The following CWF19L1 variants were observed in gnomAD, a reference collection of about 807,000 sequenced individuals.
CWF19L1 encodes CWF19-like protein 1.
Under a neutral mutation model 69.7 loss-of-function variants are expected in CWF19L1, and 60 were observed. That is an observed-to-expected ratio of 0.86 (90% CI 0.70 to 1.07). The LOEUF is 1.07. CWF19L1 is among the 50% of genes least tolerant of loss of function. The probability of loss-of-function intolerance (pLI) is 0.00; values close to 1 mark genes in which losing one functional copy is unlikely to be tolerated. For synonymous variants in CWF19L1, 209 were observed against 222.2 expected (o/e 0.94, Z 0.53); for missense variants, 591 against 638.9 (o/e 0.92, Z 0.81).
chr10:100,235,696 A>C lies in CWF19L1; in HGVS notation c.1443T>G (p.Ile481Met). Reference sequence around the variant, plus strand: ...CAAACTGCAAAGGAAAATTCTTTTTAATTCTGTGGAAAAGCTTTTCTCCTG... The same window carrying C: ...CAAACTGCAAAGGAAAATTCTTTTTCATTCTGTGGAAAAGCTTTTCTCCTG... ...LDTGEKLFHR[I>M]KKNFPLQFGR... Residue 481 changes from isoleucine to methionine, a missense_variant, in exon 13 of 14, where the codon ATT becomes ATG. Ile to Met is a conservative substitution (Grantham distance 10). Around this residue, in one of 3 missense-constraint regions of CWF19L1, gnomAD observed 458 missense variants for 489.3 expected, o/e 0.94. Transcript: ENST00000354105. 1.9e-6 allele frequency: 3 copies of C among 1,612,262 alleles called. No individual in the cohort carries two copies. Among genetic ancestry groups the C allele is most frequent in the Non-Finnish European group, 2.5e-6 (3 of 1,179,770 alleles).
At chr10:100,267,310 C>G (rs1847632638) in intron 1 of CWF19L1, 1 of 425,782 alleles carries the variant, frequency 2.3e-6, no homozygotes, top group African/African-American at 2.1e-5. Flanking sequence ...GGACTGCCCC[C>G]TAAGATGGAG....
At chr10:100,243,907 G>T in intron 9 of CWF19L1, 130 bp from the exon 10 acceptor site, 1 of 714,892 alleles carries the variant, frequency 1.4e-6, no homozygotes, top group Non-Finnish European at 2.5e-6. Context: ...ACAATGGGCT[G>T]AGCCTGTGCT....
rs1273683079 is a variant in CWF19L1 at position 100,262,077 on chromosome 10, G to A, written c.24-14C>T. On this transcript the variant is annotated splice_polypyrimidine_tract_variant and intron_variant, in intron 1 of 13. Transcript: ENST00000354105. ...CCACAAGCCAAGCTGCAAACAAAGAGATAAACATTATAGCAATTCAGGAAA... is the reference window on the plus strand; with the variant it reads ...CCACAAGCCAAGCTGCAAACAAAGAAATAAACATTATAGCAATTCAGGAAA... 1 of 1,606,168 alleles carries A rather than the reference G, an allele frequency of 6.2e-7. No individual in the cohort carries two copies. The highest frequency in any genetic ancestry group is 8.5e-7 in the Non-Finnish European group (1 of 1,177,990).
At chr10:100,256,231 T>C (rs371575722) in intron 5 of CWF19L1, 31 bp downstream of exon 5, 1 of 1,572,358 alleles carries the variant, frequency 6.4e-7, no homozygotes, top group Non-Finnish European at 8.7e-7. Flanking sequence ...AATTTGCTTT[T>C]AGAAATTCCA....
chr10:100,239,532 G>C (rs1167078030), intron 10 of CWF19L1, among the ~76,000 whole-genome samples: 1 of 152,180 alleles, frequency 6.6e-6, no homozygotes. Flanking sequence ...CCAGCTACTT[G>C]GGAGACTGAA....
At chr10:100,238,378 T>A (rs1846522442) in intron 10 of CWF19L1, 147 bp from the exon 11 acceptor site, 2 of 681,784 alleles carry the variant, frequency 2.9e-6, no homozygotes, top group African/African-American at 1.8e-5. Context: ...AAAATCTGAT[T>A]TTAGAGATTG....
chr10:100,240,572 G>A lies in CWF19L1; in HGVS notation c.1045-2341C>T, dbSNP rs1332585293. On this transcript the variant is annotated intron_variant, in intron 10 of 13. Transcript: ENST00000354105. ...TCAGGCCTAGATGAGAAGAAAACAGGTTTCCTTGATTGTTGCCCAGGCCCA... is the reference window on the plus strand; with the variant it reads ...TCAGGCCTAGATGAGAAGAAAACAGATTTCCTTGATTGTTGCCCAGGCCCA... 6.6e-5 allele frequency among the ~76,000 whole-genome samples: 10 copies of A among 152,082 alleles called. 1 individual carries two copies. The East Asian group carries it at 1.9e-3, about 29-fold the overall frequency.
chr10:100,246,924 C>T lies in CWF19L1; in HGVS notation c.720G>A (p.Ala240=), dbSNP rs17112787. The change falls in exon 8 of 14, where the codon GCG becomes GCA. Residue 240 remains alanine (A), a synonymous_variant. Coordinates refer to ENST00000354105, the MANE Select transcript of CWF19L1 (RefSeq NM_018294.6). The part of the protein sequence containing the change: ...GNPEKKKYLY[A]FSIVPMKLMD... ...TTAGCTTCATGGGAACAATACTGAA[C>T]GCGTAAAGATACTTTAGAGAAAAAG... The T allele has an allele frequency of 0.029, 46,556 of 1,609,416 alleles. 2,444 individuals are homozygous for T. Among genetic ancestry groups the T allele is most frequent in the East Asian group, 0.27 (12,016 of 44,778 alleles).
At chr10:100,258,846 G>A (rs1847297995) in intron 4 of CWF19L1, among the ~76,000 whole-genome samples, 2 of 149,064 alleles carry the variant, frequency 1.3e-5, no homozygotes, top group South Asian at 4.2e-4. Flanking sequence ...AGGAAATGAA[G>A]AAGTTTTCTA....
chr10:100,244,652 G>A (rs1846751665), intron 9 of CWF19L1, among the ~76,000 whole-genome samples: 1 of 151,466 alleles, frequency 6.6e-6, no homozygotes, highest in African/African-American at 2.4e-5. Context: ...ACCGCGCCTG[G>A]CCCGTTATTT....
chr10:100,267,147 C>CCAAAAAAAAAAAA (rs1847624171), intron 1 of CWF19L1, among the ~76,000 whole-genome samples: 1 of 30,770 alleles, frequency 3.2e-5, no homozygotes, highest in African/African-American at 1.2e-4. Context: ...CTCCTCCTCG[C>CCAAAAAAAAAAAA]AAAAAAAAAA....
At chr10:100,264,652 G>A (rs1564864979) in intron 1 of CWF19L1, among the ~76,000 whole-genome samples, 1 of 151,634 alleles carries the variant, frequency 6.6e-6, no homozygotes, top group Non-Finnish European at 1.5e-5. Context: ...GCCTCAGGCA[G>A]GTCCTTCAGG....
intron 10 of CWF19L1, among the ~76,000 whole-genome samples, chr10:100,240,056 T>G (rs1284548236): frequency 6.6e-6 from 1 of 152,208 alleles, no homozygotes; most frequent in Non-Finnish European, 1.5e-5. Flanking sequence ...CTGCACCATC[T>G]CTAATCCTGT....
intron 10 of CWF19L1, among the ~76,000 whole-genome samples, chr10:100,240,348 T>A (rs1238791574): frequency 6.6e-6 from 1 of 151,856 alleles, no homozygotes; most frequent in Admixed American, 6.6e-5. Context: ...AGGGAAAAAA[T>A]TTAAAAAACA....
chr10:100,235,649 A>C lies in CWF19L1; in HGVS notation c.1472+18T>G, dbSNP rs766663163. 24 of 1,567,370 alleles carry C rather than the reference A, an allele frequency of 1.5e-5. No homozygotes were observed. Among genetic ancestry groups the C allele is most frequent in the Non-Finnish European group, 1.8e-5 (21 of 1,140,798 alleles). ...TAGCAGGTCTAGTGAAAATACATTG[A>C]AAAGAAGAAAAACATACCTTCCAAA... On this transcript the variant is annotated intron_variant, in intron 13 of 13. Transcript: ENST00000354105.
rs1433648834 is a variant in CWF19L1, at chr10:100,262,072, A to G, written c.24-9T>C. ...CATCTCCACAAGCCAAGCTGCAAAC[A>G]AAGAGATAAACATTATAGCAATTCA... On this transcript the variant is annotated splice_polypyrimidine_tract_variant and intron_variant, in intron 1 of 13. Coordinates refer to ENST00000354105, the MANE Select transcript of CWF19L1 (RefSeq NM_018294.6). 1 of 1,609,010 alleles carries G rather than the reference A, an allele frequency of 6.2e-7. No homozygotes were observed.
chr10:100,237,653 ATT>A (rs549066626), intron 11 of CWF19L1, among the ~76,000 whole-genome samples: 1 of 150,336 alleles, frequency 6.7e-6, no homozygotes, highest in Admixed American at 6.7e-5. Flanking sequence ...ACTTTATATA[ATT>A]TTTTTTTTAA....
chr10:100,262,015 T>G lies in CWF19L1; in HGVS notation c.72A>C (p.Arg24Ser). Reference protein sequence around the residue: ...VEGKFDILFNRVQAIQKKSGN... With the variant: ...VEGKFDILFNSVQAIQKKSGN... Reference sequence around the variant, plus strand: ...CACTTTTCTTCTGAATTGCTTGAACTCTATTGAATAAAATATCAAACTTTC... The same window carrying G: ...CACTTTTCTTCTGAATTGCTTGAACGCTATTGAATAAAATATCAAACTTTC... Residue 24 changes from arginine (R) to serine (S), a missense_variant, in exon 2 of 14, where the codon AGA (arginine) becomes AGC (serine). By Grantham distance (110) the Arg-to-Ser change is moderately radical. Transcript: ENST00000354105. The G allele has an allele frequency of 6.2e-7, 1 of 1,609,776 alleles. No individual in the cohort carries two copies. Among genetic ancestry groups the G allele is most frequent in the African/African-American group, 1.3e-5 (1 of 74,782 alleles).
Position 100,241,167 on chromosome 10 carries a change from C to G in CWF19L1, c.1044+2531G>C, listed in dbSNP as rs555863651. 2.6e-5 allele frequency among the ~76,000 whole-genome samples: 4 copies of G among 152,046 alleles called. No homozygotes were observed. In the East Asian group the frequency reaches 7.7e-4, roughly 29 times the overall value. On this transcript the variant is annotated intron_variant, in intron 10 of 13. Coordinates refer to ENST00000354105, the MANE Select transcript of CWF19L1 (RefSeq NM_018294.6). ...GATTGCAGGCGCCCGCCACCACGCC[C>G]AGCTAATTTTTGTATTTTCAGTAGA...
Sources: gnomAD v4.1 joint callset for allele counts (sites outside exome capture counted in the v4.1 genomes callset) on GRCh38, gnomAD v4.1.1 for gene constraint, gnomAD v4.1.1 regional missense constraint, MANE v1.5 for transcripts, NCBI Gene and HGNC (gene_info 2026-07-23, HGNC 2026-07-21) for gene names.